ZNF710: variants seen among roughly 807,000 people sequenced by gnomAD.
ZNF710 encodes zinc finger protein 710.
ZNF710 carries 13 observed loss-of-function variants against 50.6 expected under a neutral mutation model. That is an observed-to-expected ratio of 0.26 (90% CI 0.17 to 0.41). The LOEUF (loss-of-function observed/expected upper bound fraction) is 0.41, where lower values mean the gene tolerates loss of function less well. ZNF710 is among the 10% of genes least tolerant of loss of function. The pLI is 1.00. For missense variants in ZNF710, 721 were observed against 936.6 expected (o/e 0.77, Z 3.01); for synonymous variants, 383 against 397.0 (o/e 0.96, Z 0.42).
chr15:90,045,848 C>T (rs999447065), intron 1 of ZNF710, among the ~76,000 whole-genome samples: 6 of 152,098 alleles, frequency 3.9e-5, no homozygotes, highest in Admixed American at 1.3e-4. Context: ...AGGGAAGAGA[C>T]GCGAGGTAGC....
At chr15:90,070,297 CTA>C (rs1303787703) in intron 2 of ZNF710, among the ~76,000 whole-genome samples, 1 of 150,882 alleles carries the variant, frequency 6.6e-6, no homozygotes, top group African/African-American at 2.4e-5. Flanking sequence ...GAGTTTGAGG[CTA>C]TGATTGCTCC....
intron 1 of ZNF710, among the ~76,000 whole-genome samples, chr15:90,044,029 G>A (rs1899382196): frequency 6.6e-6 from 1 of 152,166 alleles, no homozygotes; most frequent in Admixed American, 6.5e-5. Context: ...TTGAGAGAGG[G>A]AGAATATGTT....
chr15:90,017,834 C>T (rs2151471070), intron 1 of ZNF710, among the ~76,000 whole-genome samples: 1 of 152,198 alleles, frequency 6.6e-6, no homozygotes, highest in East Asian at 1.9e-4. Context: ...GACTTTAAAG[C>T]TTTTGGCTTT....
chr15:90,069,364 C>T (rs975330019), intron 2 of ZNF710, among the ~76,000 whole-genome samples: 13 of 151,906 alleles, frequency 8.6e-5, no homozygotes, highest in Middle Eastern at 6.8e-3. Context: ...GCTGAAATCA[C>T]GATACTGCAC....
At position 90,080,502 on chromosome 15, in the gene ZNF710, T is replaced by A. The variant is rs377713821; in HGVS notation, c.*673T>A. 2.0e-5 allele frequency: 3 copies of A among 152,694 alleles called. No homozygotes were observed. The highest frequency in any genetic ancestry group is 4.8e-5 in the African/African-American group (2 of 41,434). 9.5% of individuals were successfully genotyped at this position (152,694 alleles called of 1,614,324 possible). ...TGGAAGTGAGTGTCCCTACAGTGGATTGCAACACATGTCGTCCACTTCGAC... is the reference window on the plus strand; with the variant it reads ...TGGAAGTGAGTGTCCCTACAGTGGAATGCAACACATGTCGTCCACTTCGAC... On this transcript the variant is annotated 3_prime_UTR_variant, in exon 5 of 5. Transcript: ENST00000268154.
chr15:90,022,468 G>A (rs1898653922), intron 1 of ZNF710, among the ~76,000 whole-genome samples: 1 of 152,180 alleles, frequency 6.6e-6, no homozygotes, highest in African/African-American at 2.4e-5. Flanking sequence ...GGGGATTGTG[G>A]GTGAGATGGT....
intron 1 of ZNF710, among the ~76,000 whole-genome samples, chr15:90,030,329 CAAAAAAAAAAAA>C (rs10685083): frequency 5.9e-5 from 3 of 50,506 alleles, no homozygotes; most frequent in Non-Finnish European, 1.1e-4. Context: ...AACTCCATCT[CAAAAAAAAAAAA>C]AAAAAAAAAA....
intron 1 of ZNF710, among the ~76,000 whole-genome samples, chr15:90,056,070 C>G (rs1206270713): frequency 6.7e-6 from 1 of 150,026 alleles, no homozygotes. Context: ...GGGCCAAGAT[C>G]ACACCACTAC....
At chr15:90,057,077 C>T (rs142224345) in intron 1 of ZNF710, among the ~76,000 whole-genome samples, 1 of 152,300 alleles carries the variant, frequency 6.6e-6, no homozygotes, top group African/African-American at 2.4e-5. Context: ...TCACTCTACC[C>T]CATGGCGCTC....
At chr15:90,053,091 C>A (rs1051718552) in intron 1 of ZNF710, among the ~76,000 whole-genome samples, 3 of 152,222 alleles carry the variant, frequency 2.0e-5, no homozygotes, top group African/African-American at 7.2e-5. Flanking sequence ...ACTCGGGGCA[C>A]AGACACATGG....
At chr15:90,016,454 T>C (rs1052490087) in intron 1 of ZNF710, among the ~76,000 whole-genome samples, 10 of 152,170 alleles carry the variant, frequency 6.6e-5, no homozygotes, top group Admixed American at 5.9e-4. Context: ...ATTTATTTTA[T>C]TTTTTTGAGA....
At position 90,077,932 on chromosome 15, in the gene ZNF710, G is replaced by C. The variant is rs189552498; in HGVS notation, c.1826-1728G>C. Among the ~76,000 whole-genome samples the C allele has an allele frequency of 1.3e-4, 19 of 151,882 alleles. No individual in the cohort carries two copies. In the East Asian group the frequency reaches 3.3e-3, roughly 27 times the overall value. On this transcript the variant is annotated intron_variant, in intron 4 of 4. Coordinates refer to ENST00000268154, the MANE Select transcript of ZNF710 (RefSeq NM_198526.4). ...AAAAAAAGAAAAGAAATGGGGCCAG[G>C]CGCAGTGGCTCACGCCTGTAATCCC...
intron 2 of ZNF710, among the ~76,000 whole-genome samples, chr15:90,069,252 T>G (rs1474399524): frequency 6.7e-6 from 1 of 148,858 alleles, no homozygotes; most frequent in Non-Finnish European, 1.5e-5. Context: ...AAAAAAAAAT[T>G]TAAACATTAG....
At chr15:90,004,698 C>T (rs1898094801) in intron 1 of ZNF710, among the ~76,000 whole-genome samples, 1 of 152,198 alleles carries the variant, frequency 6.6e-6, no homozygotes, top group East Asian at 1.9e-4. Flanking sequence ...AGAGCCTGTT[C>T]CCAGTGCTGT....
intron 2 of ZNF710, among the ~76,000 whole-genome samples, chr15:90,071,559 T>G (rs1218698679): frequency 6.6e-6 from 1 of 151,990 alleles, no homozygotes; most frequent in African/African-American, 2.4e-5. Flanking sequence ...AACAAGCAGT[T>G]AAGACAGCAG....
chr15:90,057,179 G>A (rs145920803), intron 1 of ZNF710, among the ~76,000 whole-genome samples: 140 of 152,272 alleles, frequency 9.2e-4, no homozygotes, highest in African/African-American at 3.2e-3. Context: ...TTTGGCCCAA[G>A]TTCTTTCAGG....
chr15:90,051,634 AAAT>A (rs1201315860), intron 1 of ZNF710, among the ~76,000 whole-genome samples: 4 of 152,168 alleles, frequency 2.6e-5, no homozygotes, highest in Non-Finnish European at 5.9e-5. Flanking sequence ...CTTTGTCTCA[AAAT>A]AATAATAATA....
At chr15:90,032,775 CAA>C (rs35943176) in intron 1 of ZNF710, among the ~76,000 whole-genome samples, 1,748 of 111,050 alleles carry the variant, frequency 0.016, 30 homozygotes, top group African/African-American at 0.047. Context: ...GATTCCATCT[CAA>C]AAAAAAAAAA....
At chr15:90,002,024 C>T (rs1898026190) in intron 1 of ZNF710, among the ~76,000 whole-genome samples, 2 of 146,364 alleles carry the variant, frequency 1.4e-5, no homozygotes, top group Admixed American at 6.8e-5. Context: ...AGCGTCGCGG[C>T]GGCGGCGGCG....
Sources: allele counts gnomAD v4.1 joint callset (sites outside exome capture counted in the v4.1 genomes callset), GRCh38; gene constraint gnomAD v4.1.1; transcripts MANE v1.5; gene names NCBI Gene and HGNC (gene_info 2026-07-23, HGNC 2026-07-21).